Variants in TONSL observed in about 807,000 individuals in gnomAD.
TONSL encodes tonsoku like, DNA repair protein, also known as tonsoku-like protein.
Under a neutral mutation model 147.1 loss-of-function variants are expected in TONSL, and 112 were observed. The ratio of observed to expected loss-of-function variants is 0.76; its 90% CI spans 0.65 to 0.89. TONSL has a LOEUF of 0.89. TONSL is among the 40% of genes least tolerant of loss of function. The pLI, the probability that TONSL is intolerant of heterozygous loss-of-function variation, is 0.00. For missense variants in TONSL, 1,883 were observed against 1,864.6 expected (o/e 1.01, Z -0.18); for synonymous variants, 868 against 801.5 (o/e 1.08, Z -1.40).
intron 23 of TONSL, among the ~76,000 whole-genome samples, chr8:144,431,913 C>T (rs1554878754): frequency 1.3e-5 from 2 of 150,842 alleles, no homozygotes; most frequent in Non-Finnish European, 2.9e-5. Context: ...ACTGCAACCT[C>T]TGCCTCCCGG....
rs572891243 is a variant in TONSL, at chr8:144,440,008, C to T, written c.1480+13G>A. The T allele has an allele frequency of 1.9e-5, 19 of 1,025,634 alleles. No homozygotes were observed. The highest frequency in any genetic ancestry group is 6.9e-5 in the Admixed American group (4 of 57,614). The allele number at this position is 1,025,634 out of a possible 1,614,324, so 63.5% of individuals were successfully genotyped here. ...GCAGGCCCAGGGAAATGCAAGGTGC[C>T]GCTGGCCCTCACCGCCCTCTGAGAG... On this transcript the variant is annotated intron_variant, in intron 11 of 25. Coordinates refer to ENST00000409379, the MANE Select transcript of TONSL (RefSeq NM_013432.5).
At chr8:144,440,898 G>A (rs769906046) in intron 8 of TONSL, 28 bp from the exon 9 acceptor site, 6 of 1,612,510 alleles carry the variant, frequency 3.7e-6, no homozygotes, top group Middle Eastern at 1.7e-4. Flanking sequence ...GAGGCCAGGG[G>A]CTGCCACCCT....
chr8:144,435,332 TCTG>T (rs1198259101), intron 18 of TONSL, 139 bp downstream of exon 18: 1 of 1,230,580 alleles, frequency 8.1e-7, no homozygotes, highest in African/African-American at 1.5e-5. Flanking sequence ...CACCAGCCCC[TCTG>T]CTATTCCTGG....
chr8:144,436,150 C>A lies in TONSL; in HGVS notation c.2283G>T (p.Arg761=). 2 of 1,569,478 alleles carry A rather than the reference C, an allele frequency of 1.3e-6. No individual in the cohort carries two copies. Among genetic ancestry groups the A allele is most frequent in the South Asian group, 1.1e-5 (1 of 88,372 alleles). Residue 761 remains arginine, a synonymous_variant, in exon 17 of 26, where the codon CGG becomes CGT. Transcript: ENST00000409379. The part of the protein sequence containing the change: ...GPARPSQKRP[R]CSATAQRVAA... ...CCACCCGTTGTGCTGTGGCCGAGCA[C>A]CGAGGCCTCTTCTGGGACGGCCGTG... is the stretch of plus-strand genomic sequence containing the variant.
chr8:144,440,134 A>G lies in TONSL; in HGVS notation c.1367T>C (p.Leu456Pro), dbSNP rs1823652642. Reference sequence around the variant, plus strand: ...ATCTTCAGCTACACTGAGCTCCCGTAGTCTGGTTTCGGTCTCAGGGGCCTC... The same window carrying G: ...ATCTTCAGCTACACTGAGCTCCCGTGGTCTGGTTTCGGTCTCAGGGGCCTC... ...PQEAPETETR[L>P]RELSVAEDED... is the part of the protein sequence containing the mutation. Residue 456 changes from leucine to proline, a missense_variant, in exon 11 of 26, where the codon CTA becomes CCA. By Grantham distance (98) the Leu-to-Pro change is moderately conservative (BLOSUM62 -3). Coordinates refer to ENST00000409379, the MANE Select transcript of TONSL (RefSeq NM_013432.5). The G allele has an allele frequency of 1.2e-6, 2 of 1,611,720 alleles. No homozygotes were observed. Among genetic ancestry groups the G allele is most frequent in the African/African-American group, 1.3e-5 (1 of 74,922 alleles).
chr8:144,438,607 G>A, intron 12 of TONSL, 46 bp downstream of exon 12: 2 of 1,611,860 alleles, frequency 1.2e-6, no homozygotes, highest in South Asian at 2.2e-5. Context: ...TGAGGAGCTG[G>A]CAGGGCTGCT....
Position 144,440,737 on chromosome 8 carries a change from C to T in TONSL, c.1145G>A (p.Arg382His), listed in dbSNP as rs370126528. The change falls in exon 9 of 26, where the codon CGC becomes CAC. Residue 382 changes from arginine to histidine, a missense_variant. Coordinates refer to ENST00000409379, the MANE Select transcript of TONSL (RefSeq NM_013432.5). The stretch of plus-strand genomic sequence containing the variant: ...TTTCACCTCCAGCACGTTGCCGCTG[C>T]GCAGCCTCAGTTCCTCCTCATAGTG... Reference protein sequence around the residue: ...VRHYEEELRLRSGNVLEEAKT... With the variant: ...VRHYEEELRLHSGNVLEEAKT... The T allele has an allele frequency of 1.1e-5, 18 of 1,612,652 alleles. No individual in the cohort carries two copies. The highest frequency in any genetic ancestry group is 8.9e-5 in the East Asian group (4 of 44,876).
At chr8:144,437,189 G>T in intron 13 of TONSL, 90 bp from the exon 14 acceptor site, 1 of 1,349,084 alleles carries the variant, frequency 7.4e-7, no homozygotes. Context: ...CTGAGCCCAG[G>T]GCCTCAGTCT....
rs1346127024 is a variant in TONSL, at chr8:144,443,881, C to T, written c.264+1G>A. 1.3e-6 allele frequency: 2 copies of T among 1,544,900 alleles called. No individual in the cohort carries two copies. ...GACGAGGCCAGTGAGGGCGCCCGCA[C>T]CTGCAAGGCAGCCGGGTAGTCCTCC... On this transcript the variant is annotated splice_donor_variant, in intron 3 of 25. Transcript: ENST00000409379. LOFTEE classifies it high-confidence loss of function.
intron 21 of TONSL, 109 bp downstream of exon 21, chr8:144,433,869 C>T (rs1823323312): frequency 4.1e-6 from 6 of 1,465,078 alleles, no homozygotes; most frequent in South Asian, 1.4e-5. Context: ...TAGCCTATTA[C>T]AGCCGGGCAC....
In TONSL at chr8:144,442,051, T is replaced by C; in HGVS notation, c.851A>G (p.Gln284Arg). Residue 284 changes from glutamine (Q) to arginine (R), a missense_variant, in exon 7 of 26, where the codon CAG (glutamine) becomes CGG (arginine). Coordinates refer to ENST00000409379, the MANE Select transcript of TONSL (RefSeq NM_013432.5). Reference protein sequence around the residue: ...QKPVQRAAICQNLQHVLAVVR... With the variant: ...QKPVQRAAICRNLQHVLAVVR... ...CCCAGGCTCACCATGCTGGAGGTTCTGACAGATGGCTGCCCTCTGCACAGG... is the reference window on the plus strand; with the variant it reads ...CCCAGGCTCACCATGCTGGAGGTTCCGACAGATGGCTGCCCTCTGCACAGG... The C allele has an allele frequency of 1.9e-6, 3 of 1,612,794 alleles. No individual in the cohort carries two copies.
intron 3 of TONSL, 108 bp downstream of exon 3, chr8:144,443,774 G>T (rs1765325389): frequency 6.9e-7 from 1 of 1,445,738 alleles, no homozygotes; most frequent in Non-Finnish European, 9.3e-7. Context: ...GTCAGGTCAG[G>T]TGTCCCCTCC....
chr8:144,431,831 T>C (rs1586681031), intron 23 of TONSL, among the ~76,000 whole-genome samples: 1 of 116,664 alleles, frequency 8.6e-6, no homozygotes, highest in African/African-American at 3.5e-5. Flanking sequence ...TCTTTTTCTT[T>C]CTTTTTTTTT....
rs1554878384 is a variant in TONSL, at chr8:144,430,416, G to A, written c.3931C>T (p.Leu1311Phe). 7 of 1,608,868 alleles carry A rather than the reference G, an allele frequency of 4.4e-6. No individual in the cohort carries two copies. The highest frequency in any genetic ancestry group is 2.2e-5 in the South Asian group (2 of 90,282). Reference sequence around the variant, plus strand: ...TACCAGCACTCACCTGACAGGCCAAGGAAGCTAAGGCCTTGGGGCCGCTTT... The same window carrying A: ...TACCAGCACTCACCTGACAGGCCAAAGAAGCTAAGGCCTTGGGGCCGCTTT... ...LQKRPQGLSFLGLSGCAVQGP... is the reference protein window; with the variant it reads ...LQKRPQGLSFFGLSGCAVQGP... Residue 1311 changes from leucine to phenylalanine, a missense_variant, in exon 25 of 26, where the codon CTT (leucine) becomes TTT (phenylalanine). Transcript: ENST00000409379.
In TONSL at chr8:144,436,700, G is replaced by GC. The variant is rs1304901368; in HGVS notation, c.1891-20dup. On this transcript the variant is annotated intron_variant, in intron 15 of 25. Transcript: ENST00000409379. ...TGAGGCCCTGTGTGGCATCAGTTGA[G>GC]CAGGGGCACAGCAGCCCCCATAACC... The GC allele has an allele frequency of 2.5e-6, 4 of 1,611,608 alleles. No individual in the cohort carries two copies. In the African/African-American group the frequency reaches 5.3e-5, roughly 22 times the overall value.
Position 144,436,074 on chromosome 8 carries a change from T to G in TONSL, c.2359A>C (p.Thr787Pro). 1 of 1,570,708 alleles carries G rather than the reference T, an allele frequency of 6.4e-7. No individual in the cohort carries two copies. ...GCTGCCTGGTAGGCTGCCCGGCTGGTGCTGGCTGTGGCTGCTTCCCTGTTG... is the reference window on the plus strand; with the variant it reads ...GCTGCCTGGTAGGCTGCCCGGCTGGGGCTGGCTGTGGCTGCTTCCCTGTTG... ...ASNREAATASTSRAAYQAAIR... is the reference protein window; with the variant it reads ...ASNREAATASPSRAAYQAAIR... Residue 787 changes from threonine to proline, a missense_variant, in exon 17 of 26, where the codon ACC becomes CCC. Transcript: ENST00000409379.
At chr8:144,441,908 C>T (rs1823733035) in intron 7 of TONSL, 129 bp downstream of exon 7, 1 of 732,850 alleles carries the variant, frequency 1.4e-6, no homozygotes, top group Non-Finnish European at 2.2e-6. Context: ...GCTGCTGCCT[C>T]CAAGGACAGG....
chr8:144,443,840 G>A lies in TONSL; in HGVS notation c.264+42C>T, dbSNP rs1370841340. On this transcript the variant is annotated intron_variant, in intron 3 of 25. Coordinates refer to ENST00000409379, the MANE Select transcript of TONSL (RefSeq NM_013432.5). ...CCTCCCTCCTCAGAAAAGGGCTCCA[G>A]AGGCCGACCGGGCTGGACGAGGCCA... 3.2e-6 allele frequency: 5 copies of A among 1,539,256 alleles called. No individual in the cohort carries two copies. The East Asian group carries it at 1.2e-4, about 38-fold the overall frequency.
chr8:144,437,854 C>T (rs867950990), intron 13 of TONSL: 3 of 155,954 alleles, frequency 1.9e-5, no homozygotes, highest in Non-Finnish European at 4.3e-5. Context: ...AATCCGCCCG[C>T]CTCAGCCTCC....
Sources: gnomAD v4.1 joint callset for allele counts (sites outside exome capture counted in the v4.1 genomes callset) on GRCh38, gnomAD v4.1.1 for gene constraint, MANE v1.5 for transcripts, NCBI Gene and HGNC (gene_info 2026-07-23, HGNC 2026-07-21) for gene names.